PLCL2: variants seen among roughly 807,000 people sequenced by gnomAD.
PLCL2 encodes inactive phospholipase C-like protein 2.
A neutral mutation model predicts 79.6 loss-of-function variants in PLCL2; 4 were observed. The ratio of observed to expected loss-of-function variants is 0.05; its 90% CI spans 0.02 to 0.11. The LOEUF is 0.11. PLCL2 is among the 10% of genes least tolerant of loss of function. PLCL2 has a pLI of 1.00. For missense variants in PLCL2, 895 were observed against 1,291.0 expected (o/e 0.69, Z 4.70); for synonymous variants, 484 against 457.7 (o/e 1.06, Z -0.73).
chr3:16,982,670 AGT>A (rs1294535450), intron 1 of PLCL2, among the ~76,000 whole-genome samples: 1 of 152,208 alleles, frequency 6.6e-6, no homozygotes, highest in African/African-American at 2.4e-5. Flanking sequence ...CCCTTAACAC[AGT>A]GGGATATGAC....
intron 1 of PLCL2, among the ~76,000 whole-genome samples, chr3:16,966,185 A>T (rs1275075311): frequency 7.1e-6 from 1 of 141,786 alleles, no homozygotes; most frequent in East Asian, 1.9e-4. Context: ...ATTTTGAGAT[A>T]CATCCCATCA....
intron 1 of PLCL2, among the ~76,000 whole-genome samples, chr3:16,976,628 G>A (rs1223936727): frequency 6.6e-6 from 1 of 152,124 alleles, no homozygotes; most frequent in Admixed American, 6.5e-5. Flanking sequence ...GCCTAGCCAA[G>A]GTGACACGTA....
chr3:17,065,952 A>T (rs553306890), intron 4 of PLCL2, among the ~76,000 whole-genome samples: 1 of 152,254 alleles, frequency 6.6e-6, no homozygotes, highest in Admixed American at 6.5e-5. Flanking sequence ...TGCCAGAAAC[A>T]TAATGAGTAT....
At chr3:16,965,438 T>C (rs2063797513) in intron 1 of PLCL2, among the ~76,000 whole-genome samples, 1 of 152,138 alleles carries the variant, frequency 6.6e-6, no homozygotes, top group Non-Finnish European at 1.5e-5. Context: ...GTAGTATAGT[T>C]TGAAGTCAGG....
At chr3:17,063,150 A>C (rs2064968609) in intron 4 of PLCL2, among the ~76,000 whole-genome samples, 1 of 148,066 alleles carries the variant, frequency 6.8e-6, no homozygotes. Flanking sequence ...AATTCCAATT[A>C]TTTTTATTAA....
At chr3:17,055,803 C>T (rs1160889739) in intron 4 of PLCL2, among the ~76,000 whole-genome samples, 1 of 152,182 alleles carries the variant, frequency 6.6e-6, no homozygotes, top group African/African-American at 2.4e-5. Flanking sequence ...TTTCCCTAAG[C>T]CTCTCTCCTC....
intron 1 of PLCL2, among the ~76,000 whole-genome samples, chr3:16,902,853 C>CGT (rs1219764598): frequency 0.044 from 1,865 of 42,192 alleles, 31 homozygotes; most frequent in African/African-American, 0.074. Context: ...AAATGCAGTG[C>CGT]GTGTGTGTGT....
At chr3:17,053,147 A>G (rs942399536) in intron 4 of PLCL2, among the ~76,000 whole-genome samples, 9 of 152,362 alleles carry the variant, frequency 5.9e-5, no homozygotes, top group African/African-American at 1.7e-4. Flanking sequence ...TGGGTAATTT[A>G]GAAAGAAATG....
intron 4 of PLCL2, among the ~76,000 whole-genome samples, chr3:17,049,462 G>A (rs2064816184): frequency 6.6e-6 from 1 of 152,118 alleles, no homozygotes; most frequent in Non-Finnish European, 1.5e-5. Flanking sequence ...TGTTAGAACT[G>A]ATAAACAAAT....
At chr3:17,024,898 A>C (rs542215645) in intron 3 of PLCL2, among the ~76,000 whole-genome samples, 105 of 152,328 alleles carry the variant, frequency 6.9e-4, no homozygotes, top group African/African-American at 2.5e-3. Context: ...ACTTTGAAAG[A>C]AAAACAGATG....
intron 1 of PLCL2, among the ~76,000 whole-genome samples, chr3:16,898,983 A>G (rs1432182908): frequency 1.3e-5 from 2 of 152,372 alleles, no homozygotes; most frequent in South Asian, 2.1e-4. Flanking sequence ...TGGCAGTAAT[A>G]CTTGGCAGTA....
At chr3:16,941,480 C>G in intron 1 of PLCL2, among the ~76,000 whole-genome samples, 1 of 152,188 alleles carries the variant, frequency 6.6e-6, no homozygotes, top group East Asian at 1.9e-4. Context: ...GTGACAGTCA[C>G]GACGCCCCTG....
At chr3:16,893,944 C>T in intron 1 of PLCL2, among the ~76,000 whole-genome samples, 1 of 152,122 alleles carries the variant, frequency 6.6e-6, no homozygotes, top group Non-Finnish European at 1.5e-5. Context: ...CAGGTGTATG[C>T]TCTTTAAATT....
intron 4 of PLCL2, among the ~76,000 whole-genome samples, chr3:17,053,764 G>T (rs1257134512): frequency 6.6e-6 from 1 of 152,170 alleles, no homozygotes; most frequent in Non-Finnish European, 1.5e-5. Flanking sequence ...ACTACAGGGA[G>T]CAGTGTCCAG....
intron 3 of PLCL2, among the ~76,000 whole-genome samples, chr3:17,023,804 GTC>G (rs2064481616): frequency 6.6e-6 from 1 of 152,136 alleles, no homozygotes; most frequent in Non-Finnish European, 1.5e-5. Flanking sequence ...ACTGACAAAT[GTC>G]TCTGTGTTCA....
At chr3:17,034,154 C>A (rs2064616337) in intron 3 of PLCL2, among the ~76,000 whole-genome samples, 1 of 152,170 alleles carries the variant, frequency 6.6e-6, no homozygotes, top group African/African-American at 2.4e-5. Flanking sequence ...TCCAGGTACA[C>A]CAGGTACACC....
chr3:17,076,472 C>G (rs2065109193), intron 5 of PLCL2, among the ~76,000 whole-genome samples: 2 of 151,778 alleles, frequency 1.3e-5, no homozygotes, highest in African/African-American at 4.8e-5. Context: ...ATCACAGATG[C>G]TTATTCATTA....
At chr3:16,916,610 AAAG>A (rs1697001485) in intron 1 of PLCL2, among the ~76,000 whole-genome samples, 1 of 152,232 alleles carries the variant, frequency 6.6e-6, no homozygotes, top group African/African-American at 2.4e-5. Flanking sequence ...CCATCCATGT[AAAG>A]AATCAGTGGC....
intron 1 of PLCL2, among the ~76,000 whole-genome samples, chr3:16,956,658 C>G (rs1393575895): frequency 6.6e-6 from 1 of 152,034 alleles, no homozygotes; most frequent in Non-Finnish European, 1.5e-5. Flanking sequence ...CCATCTGGTC[C>G]TGGACTCTTT....
Sources: allele counts gnomAD v4.1 joint callset (sites outside exome capture counted in the v4.1 genomes callset), GRCh38; gene constraint gnomAD v4.1.1; transcripts MANE v1.5; gene names NCBI Gene and HGNC (gene_info 2026-07-23, HGNC 2026-07-21).